The following TMTC2 variants were observed in gnomAD, a reference collection of about 807,000 sequenced individuals.
The protein encoded by TMTC2 is transmembrane O-mannosyltransferase targeting cadherins 2, also known as protein O-mannosyl-transferase TMTC2.
Under a neutral mutation model 82.4 loss-of-function variants are expected in TMTC2, and 43 were observed. The ratio of observed to expected loss-of-function variants is 0.52; its 90% confidence interval spans 0.41 to 0.67. The LOEUF (loss-of-function observed/expected upper bound fraction) is 0.67, where lower values mean the gene tolerates loss of function less well. Ranked by LOEUF, TMTC2 falls within the 30% of genes least tolerant of loss-of-function variation. The probability of loss-of-function intolerance (pLI) is 0.00; values close to 1 mark genes in which losing one functional copy is unlikely to be tolerated. For synonymous variants in TMTC2, 408 were observed against 381.9 expected (o/e 1.07, Z -0.80); for missense variants, 919 against 1,012.4 (o/e 0.91, Z 1.25).
At position 82,883,114 on chromosome 12, in the gene TMTC2, G is replaced by C. The variant is rs142994357; in HGVS notation, c.655-12704G>C. On this transcript the variant is annotated intron_variant, in intron 2 of 11. Coordinates refer to ENST00000321196, the MANE Select transcript of TMTC2 (RefSeq NM_152588.3). ...CCTTATAGTCGGCCTCAGTTGCCCA[G>C]TCAAGCAAATGAGCATTTTCTGAAT... is the stretch of plus-strand genomic sequence containing the variant. Among the ~76,000 whole-genome samples, 47 of 148,058 alleles carry C rather than the reference G, an allele frequency of 3.2e-4. 1 individual carries two copies. In the East Asian group the frequency reaches 8.5e-3, roughly 27 times the overall value.
At chr12:82,894,420 A>G (rs1437387952) in intron 2 of TMTC2, among the ~76,000 whole-genome samples, 1 of 152,172 alleles carries the variant, frequency 6.6e-6, no homozygotes, top group Non-Finnish European at 1.5e-5. Context: ...ATACATAGAC[A>G]TTGTTTTCAT....
At chr12:82,949,532 G>A (rs1289092559) in intron 4 of TMTC2, among the ~76,000 whole-genome samples, 1 of 152,148 alleles carries the variant, frequency 6.6e-6, no homozygotes, top group Non-Finnish European at 1.5e-5. Flanking sequence ...AGGCAGCTCA[G>A]TGAAATACTT....
chr12:82,997,557 A>T (rs1261768246), intron 8 of TMTC2, among the ~76,000 whole-genome samples: 1 of 149,570 alleles, frequency 6.7e-6, no homozygotes, highest in Non-Finnish European at 1.5e-5. Context: ...AAGCTGACTC[A>T]ACAAGTAATG....
At chr12:82,864,496 CT>C (rs775559477) in intron 2 of TMTC2, among the ~76,000 whole-genome samples, 3,274 of 107,782 alleles carry the variant, frequency 0.03, 54 homozygotes, top group African/African-American at 0.11. Flanking sequence ...ATGTCACATT[CT>C]TTTTTTTTTT....
chr12:83,116,368 T>C (rs890689197), intron 11 of TMTC2, among the ~76,000 whole-genome samples: 1 of 152,254 alleles, frequency 6.6e-6, no homozygotes, highest in African/African-American at 2.4e-5. Flanking sequence ...TCCATGTTTT[T>C]GCAATTGCAA....
intron 7 of TMTC2, among the ~76,000 whole-genome samples, chr12:82,972,440 G>T (rs1878492192): frequency 6.6e-6 from 1 of 151,992 alleles, no homozygotes; most frequent in African/African-American, 2.4e-5. Context: ...GGAACATTTT[G>T]ATTTAATTTG....
chr12:82,781,198 G>C (rs1328295576), intron 1 of TMTC2, among the ~76,000 whole-genome samples: 1 of 151,958 alleles, frequency 6.6e-6, no homozygotes, highest in African/African-American at 2.4e-5. Context: ...TTGATGAGTA[G>C]ATCAAAATTA....
In TMTC2 at chr12:82,732,949, C is replaced by T. The variant is rs562503005; in HGVS notation, c.83+45280C>T. The stretch of plus-strand genomic sequence containing the variant: ...AAAGCTTGGAAACTAATGCCAGCCT[C>T]ATTGTTGGATGTTAGTGGGTTATAT... On this transcript the variant is annotated intron_variant, in intron 1 of 11. Transcript: ENST00000321196. 2.0e-4 allele frequency among the ~76,000 whole-genome samples: 30 copies of T among 152,274 alleles called. No homozygotes were observed. In the South Asian group the frequency reaches 4.1e-3, roughly 21 times the overall value.
At chr12:83,019,590 TCCTA>T (rs1012268104) in intron 8 of TMTC2, among the ~76,000 whole-genome samples, 5 of 152,158 alleles carry the variant, frequency 3.3e-5, no homozygotes, top group African/African-American at 1.2e-4. Context: ...AAGCTTATAA[TCCTA>T]CCCACTAAAC....
intron 1 of TMTC2, among the ~76,000 whole-genome samples, chr12:82,780,587 GCTT>G (rs1177783730): frequency 2.0e-5 from 3 of 152,030 alleles, no homozygotes; most frequent in African/African-American, 7.2e-5. Flanking sequence ...ATGCTTCTTT[GCTT>G]CTTATGTCAA....
intron 1 of TMTC2, among the ~76,000 whole-genome samples, chr12:82,713,052 G>T (rs1235512906): frequency 6.6e-6 from 1 of 152,198 alleles, no homozygotes; most frequent in Middle Eastern, 3.2e-3. Context: ...AGGCGCAGTG[G>T]CTCACACCTG....
chr12:82,729,211 C>A (rs1402317378), intron 1 of TMTC2, among the ~76,000 whole-genome samples: 1 of 152,182 alleles, frequency 6.6e-6, no homozygotes, highest in Non-Finnish European at 1.5e-5. Flanking sequence ...CTTGGAGAAC[C>A]TTTATGTCTA....
At chr12:83,101,732 G>C (rs11115587) in intron 11 of TMTC2, among the ~76,000 whole-genome samples, 2 of 151,972 alleles carry the variant, frequency 1.3e-5, no homozygotes, top group South Asian at 4.1e-4. Context: ...AGGGTCCAGA[G>C]ATCTCTGGAT....
At chr12:83,044,391 G>A (rs1305581353) in intron 9 of TMTC2, among the ~76,000 whole-genome samples, 1 of 152,174 alleles carries the variant, frequency 6.6e-6, no homozygotes, top group African/African-American at 2.4e-5. Context: ...TGTATTACAG[G>A]AACAGTAAGA....
chr12:83,084,421 A>G (rs563764054), intron 11 of TMTC2, among the ~76,000 whole-genome samples: 1 of 152,286 alleles, frequency 6.6e-6, no homozygotes, highest in South Asian at 2.1e-4. Context: ...CTCAGTTTTT[A>G]TTAAAAACTT....
chr12:83,068,211 G>C (rs1882987891), intron 11 of TMTC2, among the ~76,000 whole-genome samples: 2 of 151,940 alleles, frequency 1.3e-5, no homozygotes, highest in South Asian at 4.1e-4. Flanking sequence ...GAATGACTGT[G>C]GAGTGGAAAT....
rs1277075975 is a variant in TMTC2, at chr12:82,745,799, G to GTAT, written c.83+58133_83+58135dup. On this transcript the variant is annotated intron_variant, in intron 1 of 11. Transcript: ENST00000321196. ...GCTAAAGAATAAATTATTTGAATTGGTATTAATGTGGTGACTTAATTCAGA... is the reference window on the plus strand; with the variant it reads ...GCTAAAGAATAAATTATTTGAATTGGTATTATTAATGTGGTGACTTAATTCAGA... 7.2e-5 allele frequency among the ~76,000 whole-genome samples: 11 copies of GTAT among 152,314 alleles called. No homozygotes were observed. The East Asian group carries it at 2.1e-3, about 29-fold the overall frequency.
intron 1 of TMTC2, among the ~76,000 whole-genome samples, chr12:82,806,354 A>G (rs564841134): frequency 7.9e-5 from 12 of 152,294 alleles, no homozygotes; most frequent in Admixed American, 7.8e-4. Flanking sequence ...CATGGCAACC[A>G]TAGTCAAATT....
chr12:82,875,806 T>C lies in TMTC2; in HGVS notation c.654+18226T>C, dbSNP rs1245959060. Among the ~76,000 whole-genome samples, 3 of 151,150 alleles carry C rather than the reference T, an allele frequency of 2.0e-5. No homozygotes were observed. The East Asian group carries it at 5.8e-4, about 29-fold the overall frequency. ...CTTGATTTTTTTTAATCCTCTTTTT[T>C]CCCCACCAAATTATTTAGATATATT... On this transcript the variant is annotated intron_variant, in intron 2 of 11. Transcript: ENST00000321196.
Sources: allele counts gnomAD v4.1 joint callset (sites outside exome capture counted in the v4.1 genomes callset), GRCh38; gene constraint gnomAD v4.1.1; transcripts MANE v1.5; gene names NCBI Gene and HGNC (gene_info 2026-07-23, HGNC 2026-07-21).